CDK14: variants seen among roughly 807,000 people sequenced by gnomAD.
CDK14 encodes cyclin dependent kinase 14, also known as cyclin-dependent kinase 14.
In CDK14, 34 loss-of-function variants were observed where a neutral mutation model predicts 60.7. The observed-to-expected ratio is 0.56, with a 90% CI of 0.43 to 0.75. CDK14 has a LOEUF of 0.75. Among genes scored for constraint, CDK14 ranks in the 30% least tolerant of loss-of-function variants. The pLI is 0.00. For missense variants in CDK14, 482 were observed against 564.1 expected, an observed-to-expected ratio of 0.85 and a Z score of 1.47; for synonymous variants, 197 against 203.7, an observed-to-expected ratio of 0.97 and a Z score of 0.28.
chr7:90,715,271 G>A (rs1802207784), intron 2 of CDK14, among the ~76,000 whole-genome samples: 1 of 152,004 alleles, frequency 6.6e-6, no homozygotes, highest in Non-Finnish European at 1.5e-5. Flanking sequence ...CTTTTGCACG[G>A]CCTTTGAGAC....
intron 3 of CDK14, among the ~76,000 whole-genome samples, chr7:90,739,225 T>C (rs1803251428): frequency 6.6e-6 from 1 of 152,248 alleles, no homozygotes; most frequent in African/African-American, 2.4e-5. Context: ...ACAGGGCAGA[T>C]AATATTGATT....
chr7:91,141,553 A>G (rs900555680), intron 14 of CDK14, among the ~76,000 whole-genome samples: 2 of 152,204 alleles, frequency 1.3e-5, no homozygotes, highest in East Asian at 3.9e-4. Flanking sequence ...AAGCTGGGTC[A>G]TTGTTACTGA....
intron 14 of CDK14, among the ~76,000 whole-genome samples, chr7:91,128,601 CA>C (rs1012243599): frequency 6.6e-6 from 1 of 151,814 alleles, no homozygotes; most frequent in African/African-American, 2.4e-5. Flanking sequence ...AAAACATTGT[CA>C]AAAAAATGTT....
intron 14 of CDK14, among the ~76,000 whole-genome samples, chr7:91,199,032 T>G (rs1169115806): frequency 1.3e-5 from 2 of 152,222 alleles, no homozygotes; most frequent in Admixed American, 6.5e-5. Flanking sequence ...ATTTGGTTTG[T>G]TTAAATATAG....
chr7:90,701,078 C>T (rs150185899), intron 2 of CDK14, among the ~76,000 whole-genome samples: 4 of 152,280 alleles, frequency 2.6e-5, no homozygotes, highest in East Asian at 1.9e-4. Context: ...AAAATCCCCT[C>T]GATATTACTT....
At chr7:90,629,177 A>C (rs1354566863) in intron 2 of CDK14, among the ~76,000 whole-genome samples, 1 of 152,166 alleles carries the variant, frequency 6.6e-6, no homozygotes, top group Non-Finnish European at 1.5e-5. Context: ...ATGACCTTTC[A>C]TGGCAAAATT....
chr7:90,635,415 C>G (rs990030568), intron 2 of CDK14, among the ~76,000 whole-genome samples: 2 of 152,092 alleles, frequency 1.3e-5, no homozygotes, highest in African/African-American at 4.8e-5. Flanking sequence ...GCTTGTTTTT[C>G]TCAGGTCTGT....
intron 7 of CDK14, among the ~76,000 whole-genome samples, chr7:90,916,184 A>G (rs1793075152): frequency 6.6e-6 from 1 of 152,142 alleles, no homozygotes; most frequent in African/African-American, 2.4e-5. Flanking sequence ...GGATGCAGGG[A>G]GTATTGGAAG....
intron 7 of CDK14, among the ~76,000 whole-genome samples, chr7:90,909,010 A>C (rs560104827): frequency 1.8e-4 from 27 of 152,246 alleles, no homozygotes; most frequent in African/African-American, 6.5e-4. Context: ...AGTATCTAAA[A>C]TGTTACTTTA....
intron 12 of CDK14, among the ~76,000 whole-genome samples, chr7:91,092,503 T>C (rs1242302066): frequency 1.3e-5 from 2 of 152,218 alleles, no homozygotes; most frequent in Admixed American, 6.5e-5. Flanking sequence ...TGGGCTCCCA[T>C]GCACAAAGCA....
chr7:90,962,609 G>T (rs899414571), intron 9 of CDK14, among the ~76,000 whole-genome samples: 1 of 152,058 alleles, frequency 6.6e-6, no homozygotes, highest in Non-Finnish European at 1.5e-5. Flanking sequence ...TCATTTATTG[G>T]CAATAAATTA....
chr7:90,725,076 ACATACT>A (rs1244867780), intron 2 of CDK14, among the ~76,000 whole-genome samples: 15 of 152,316 alleles, frequency 9.8e-5, no homozygotes, highest in African/African-American at 3.4e-4. Flanking sequence ...AGTAGTTGAG[ACATACT>A]CATAGGGTTG....
chr7:90,948,163 G>A (rs540044503), intron 8 of CDK14, among the ~76,000 whole-genome samples: 3 of 152,112 alleles, frequency 2.0e-5, no homozygotes, highest in South Asian at 4.1e-4. Context: ...CATCATTATG[G>A]AAATTCATCA....
intron 14 of CDK14, among the ~76,000 whole-genome samples, chr7:91,118,580 A>G (rs1799683584): frequency 6.6e-6 from 1 of 152,158 alleles, no homozygotes; most frequent in South Asian, 2.1e-4. Flanking sequence ...AGTTGTTCTC[A>G]TTTTAAAATG....
At chr7:91,159,508 T>A (rs150324471) in intron 14 of CDK14, among the ~76,000 whole-genome samples, 1 of 152,308 alleles carries the variant, frequency 6.6e-6, no homozygotes, top group Non-Finnish European at 1.5e-5. Context: ...CTAAAATAGA[T>A]CTAATTATCA....
intron 14 of CDK14, among the ~76,000 whole-genome samples, chr7:91,176,221 A>G (rs1214310886): frequency 6.6e-6 from 1 of 152,206 alleles, no homozygotes; most frequent in Non-Finnish European, 1.5e-5. Flanking sequence ...TGGGTACATA[A>G]TGAAATGAAG....
At chr7:91,050,783 C>T (rs1294059158) in intron 11 of CDK14, among the ~76,000 whole-genome samples, 6 of 152,086 alleles carry the variant, frequency 3.9e-5, no homozygotes, top group Non-Finnish European at 7.4e-5. Context: ...GTGGGGGCCT[C>T]AAGAAGCTTC....
intron 12 of CDK14, among the ~76,000 whole-genome samples, chr7:91,087,819 T>C (rs1473588991): frequency 6.6e-6 from 1 of 152,182 alleles, no homozygotes; most frequent in East Asian, 1.9e-4. Context: ...AAAACTTTTT[T>C]TTTTTAATGC....
At chr7:90,934,214 C>A (rs1426558648) in intron 8 of CDK14, among the ~76,000 whole-genome samples, 2 of 152,258 alleles carry the variant, frequency 1.3e-5, no homozygotes, top group Non-Finnish European at 1.5e-5. Flanking sequence ...CTGGAACCTG[C>A]TGCCAGTCAG....
Sources: gnomAD v4.1 joint callset for allele counts (sites outside exome capture counted in the v4.1 genomes callset) on GRCh38, gnomAD v4.1.1 for gene constraint, MANE v1.5 for transcripts, NCBI Gene and HGNC (gene_info 2026-07-23, HGNC 2026-07-21) for gene names.